Variants in ARHGEF12 observed in about 807,000 individuals in gnomAD.
ARHGEF12 encodes the protein Rho guanine nucleotide exchange factor 12.
In ARHGEF12, 66 loss-of-function variants were observed where a neutral mutation model predicts 211.2. The ratio of observed to expected loss-of-function variants is 0.31; its 90% CI spans 0.26 to 0.38. The LOEUF (loss-of-function observed/expected upper bound fraction) is 0.38. ARHGEF12 is among the 10% of genes least tolerant of loss of function. ARHGEF12 has a pLI of 1.00. For missense variants in ARHGEF12, 1,429 were observed against 1,869.5 expected (o/e 0.76, Z 4.34); for synonymous variants, 592 against 638.4 (o/e 0.93, Z 1.09).
chr11:120,351,193 CA>C (rs1398781728), intron 1 of ARHGEF12, among the ~76,000 whole-genome samples: 1 of 149,604 alleles, frequency 6.7e-6, no homozygotes. Context: ...ACTAAAAATA[CA>C]AAAAAAATTA....
At chr11:120,477,110 T>TGTC in intron 34 of ARHGEF12, 109 bp from the exon 35 acceptor site, 2 of 720,582 alleles carry the variant, frequency 2.8e-6, no homozygotes, top group Non-Finnish European at 2.4e-6. Flanking sequence ...TTGTTGTTGT[T>TGTC]GTTGTTGTTG....
intron 26 of ARHGEF12, 153 bp downstream of exon 26, chr11:120,459,473 A>AT (rs1318185680): frequency 2.2e-5 from 18 of 816,668 alleles, no homozygotes; most frequent in Non-Finnish European, 3.3e-5. Context: ...CTTTGACTAG[A>AT]TCCTTTTCCT....
At chr11:120,480,829 A>G (rs950573273) in intron 38 of ARHGEF12, among the ~76,000 whole-genome samples, 1 of 152,186 alleles carries the variant, frequency 6.6e-6, no homozygotes, top group Non-Finnish European at 1.5e-5. Context: ...AGAGACCTCA[A>G]TGAAATGAGG....
intron 1 of ARHGEF12, among the ~76,000 whole-genome samples, chr11:120,363,221 T>G (rs1021005609): frequency 7.2e-5 from 11 of 152,252 alleles, no homozygotes; most frequent in East Asian, 3.8e-4. Context: ...TTTAATTATT[T>G]CCTGCTTTAA....
At chr11:120,438,722 G>A (rs1945772411) in intron 12 of ARHGEF12, 1 of 152,136 alleles carries the variant, frequency 6.6e-6, no homozygotes, top group South Asian at 2.1e-4. Context: ...TTAAACTGCT[G>A]TTAGATTTAA....
chr11:120,362,425 AGTGT>A (rs1262421385), intron 1 of ARHGEF12, among the ~76,000 whole-genome samples: 1 of 152,212 alleles, frequency 6.6e-6, no homozygotes, highest in African/African-American at 2.4e-5. Context: ...GCTATTTTGT[AGTGT>A]GTCTGAATGC....
In ARHGEF12 at chr11:120,336,612, C is replaced by T. The variant is rs1800290102; in HGVS notation, c.-632C>T. ...CCGCGGCGCTGAGAGACCCGGGTCC[C>T]TGTCACCTCGGGCCGCGGGACCTCT... On this transcript the variant is annotated 5_prime_UTR_variant, in exon 1 of 41. Transcript: ENST00000397843. 6.6e-6 allele frequency among the ~76,000 whole-genome samples: 1 copy of T among 152,128 alleles called. No individual in the cohort carries two copies. Among genetic ancestry groups the T allele is most frequent in the African/African-American group, 2.4e-5 (1 of 41,456 alleles).
At chr11:120,342,668 G>A (rs1387631202) in intron 1 of ARHGEF12, among the ~76,000 whole-genome samples, 2 of 152,028 alleles carry the variant, frequency 1.3e-5, no homozygotes, top group East Asian at 3.8e-4. Flanking sequence ...ATAGTCTTTA[G>A]GATGGATATG....
At chr11:120,339,290 A>G (rs1591472290) in intron 1 of ARHGEF12, among the ~76,000 whole-genome samples, 1 of 152,142 alleles carries the variant, frequency 6.6e-6, no homozygotes, top group Non-Finnish European at 1.5e-5. Context: ...AATATAAAGC[A>G]TCCATTTGCT....
chr11:120,377,721 A>G (rs1943768057), intron 1 of ARHGEF12, among the ~76,000 whole-genome samples: 1 of 152,154 alleles, frequency 6.6e-6, no homozygotes, highest in South Asian at 2.1e-4. Flanking sequence ...TCTTACCATA[A>G]TAGTATTACA....
chr11:120,460,870 T>A, intron 27 of ARHGEF12, 113 bp downstream of exon 27: 2 of 923,372 alleles, frequency 2.2e-6, no homozygotes, highest in East Asian at 2.4e-5. Flanking sequence ...GCAAAGTTAA[T>A]GCAAAGCTGA....
At chr11:120,417,656 A>G (rs1407234855) in intron 4 of ARHGEF12, among the ~76,000 whole-genome samples, 1 of 151,928 alleles carries the variant, frequency 6.6e-6, no homozygotes, top group Non-Finnish European at 1.5e-5. Context: ...CTGAGATTAC[A>G]GGTACCTACC....
intron 1 of ARHGEF12, among the ~76,000 whole-genome samples, chr11:120,353,480 G>A (rs1243704826): frequency 6.6e-6 from 1 of 152,176 alleles, no homozygotes; most frequent in Admixed American, 6.5e-5. Flanking sequence ...ACTTGAGATT[G>A]TGGTCTAAAA....
At position 120,487,066 on chromosome 11, in the gene ARHGEF12, ACAC is replaced by A. The variant is rs1947414502; in HGVS notation, c.*1991_*1993del. ...AATGTCATTCTCAATTAAAAGGGTTACACCTGTAGCCACTTGACACTAACACCA... is the reference window on the plus strand; with the variant it reads ...AATGTCATTCTCAATTAAAAGGGTTACTGTAGCCACTTGACACTAACACCA... On this transcript the variant is annotated 3_prime_UTR_variant, in exon 41 of 41. Coordinates refer to ENST00000397843, the MANE Select transcript of ARHGEF12 (RefSeq NM_015313.3). 1 of 217,100 alleles carries A rather than the reference ACAC, an allele frequency of 4.6e-6. No individual in the cohort carries two copies. The highest frequency in any genetic ancestry group is 5.8e-5 in the Admixed American group (1 of 17,228). 13.4% of individuals were successfully genotyped at this position (217,100 alleles called of 1,614,324 possible).
rs779043967 is a variant in ARHGEF12 at position 120,465,213 on chromosome 11, G to C, written c.2614-24G>C. Reference sequence around the variant, plus strand: ...TAAGCTCAGTTTCCCATTCTCTTTTGTGTTCTTTGCATTCTTGGCACAGTT... The same window carrying C: ...TAAGCTCAGTTTCCCATTCTCTTTTCTGTTCTTTGCATTCTTGGCACAGTT... On this transcript the variant is annotated intron_variant, in intron 27 of 40. Transcript: ENST00000397843. 3 of 1,613,348 alleles carry C rather than the reference G, an allele frequency of 1.9e-6. No individual in the cohort carries two copies. In the Admixed American group the frequency reaches 5.0e-5, roughly 27 times the overall value.
intron 1 of ARHGEF12, among the ~76,000 whole-genome samples, chr11:120,401,317 C>A (rs1041980855): frequency 6.6e-6 from 1 of 152,124 alleles, no homozygotes; most frequent in Non-Finnish European, 1.5e-5. Context: ...ATCTTACTGT[C>A]CAGAGAACTA....
intron 1 of ARHGEF12, among the ~76,000 whole-genome samples, chr11:120,344,281 A>C (rs900988091): frequency 6.6e-6 from 1 of 151,360 alleles, no homozygotes; most frequent in South Asian, 2.1e-4. Flanking sequence ...AAAAAAAAAA[A>C]AAAAAAAAAA....
intron 1 of ARHGEF12, among the ~76,000 whole-genome samples, chr11:120,386,853 G>T (rs1382119443): frequency 6.6e-6 from 1 of 152,054 alleles, no homozygotes; most frequent in Admixed American, 6.6e-5. Context: ...CATTTTGAGA[G>T]ATTAAGTGAT....
chr11:120,376,945 A>G lies in ARHGEF12; in HGVS notation c.33-29173A>G, dbSNP rs145566589. Among the ~76,000 whole-genome samples the G allele has an allele frequency of 1.6e-4, 24 of 152,260 alleles. No individual in the cohort carries two copies. In the East Asian group the frequency reaches 4.2e-3, roughly 27 times the overall value. ...ACTTAACATAATGACCTTCAGTTCTATTTATATTGTGGCAAGTGACGGGAT... is the reference window on the plus strand; with the variant it reads ...ACTTAACATAATGACCTTCAGTTCTGTTTATATTGTGGCAAGTGACGGGAT... On this transcript the variant is annotated intron_variant, in intron 1 of 40. Transcript: ENST00000397843.
Sources: gnomAD v4.1 joint callset for allele counts (sites outside exome capture counted in the v4.1 genomes callset) on GRCh38, gnomAD v4.1.1 for gene constraint, MANE v1.5 for transcripts, NCBI Gene and HGNC (gene_info 2026-07-23, HGNC 2026-07-21) for gene names.